Variants in ULK4 observed in about 807,000 individuals in gnomAD.
The protein encoded by ULK4 is inactive serine/threonine-protein kinase ULK4.
A neutral mutation model predicts 160.6 loss-of-function variants in ULK4; 133 were observed. The observed-to-expected ratio is 0.83, with a 90% confidence interval of 0.72 to 0.96. The LOEUF (loss-of-function observed/expected upper bound fraction) is 0.96, where lower values mean the gene tolerates loss of function less well. ULK4 is among the 40% of genes least tolerant of loss of function. ULK4 has a pLI of 0.00. For synonymous variants in ULK4, 534 were observed against 539.8 expected (o/e 0.99, Z 0.15); for missense variants, 1,580 against 1,499.5 (o/e 1.05, Z -0.89).
At chr3:41,932,117 A>G in intron 4 of ULK4, 111 bp from the exon 5 acceptor site, 1 of 893,184 alleles carries the variant, frequency 1.1e-6, no homozygotes, top group Non-Finnish European at 1.6e-6. Flanking sequence ...ATTCTTTATC[A>G]GAACTCAGAA....
chr3:41,541,300 C>T (rs953498286), intron 32 of ULK4, among the ~76,000 whole-genome samples: 1 of 152,098 alleles, frequency 6.6e-6, no homozygotes, highest in South Asian at 2.1e-4. Context: ...TTCCCCATTG[C>T]TTGTTTTTGT....
At chr3:41,729,518 C>G (rs919186897) in intron 22 of ULK4, among the ~76,000 whole-genome samples, 3 of 152,220 alleles carry the variant, frequency 2.0e-5, no homozygotes, top group Admixed American at 2.0e-4. Context: ...TATCTCCCCA[C>G]CCCAAAGGCT....
intron 31 of ULK4, among the ~76,000 whole-genome samples, chr3:41,584,625 G>T (rs926293408): frequency 2.0e-5 from 3 of 151,986 alleles, no homozygotes; most frequent in Admixed American, 2.0e-4. Flanking sequence ...AAATAACACA[G>T]CAACAACTTT....
Position 41,757,629 on chromosome 3 carries a change from CAAAAAAAAAA to C in ULK4, c.2194-3151_2194-3142del, listed in dbSNP as rs1197436719. Among the ~76,000 whole-genome samples, 3 of 63,640 alleles carry C rather than the reference CAAAAAAAAAA, an allele frequency of 4.7e-5. No homozygotes were observed. In the Admixed American group the frequency reaches 5.6e-4, roughly 12 times the overall value. 41.8% of individuals were successfully genotyped at this position (63,640 alleles called of 152,430 possible). ...CCTGCGCAACAGAGCGAGACTCTCT[CAAAAAAAAAA>C]AAAAAAAAAAAAAGTTAAGAGTCTC... On this transcript the variant is annotated intron_variant, in intron 21 of 36. Coordinates refer to ENST00000301831, the MANE Select transcript of ULK4 (RefSeq NM_017886.4).
At chr3:41,853,740 A>G (rs908902801) in intron 17 of ULK4, among the ~76,000 whole-genome samples, 4 of 152,174 alleles carry the variant, frequency 2.6e-5, no homozygotes, top group Admixed American at 6.5e-5. Flanking sequence ...CTTTCTCCTG[A>G]TAAGAGATCA....
intron 17 of ULK4, among the ~76,000 whole-genome samples, chr3:41,874,887 TTAGCAGTCAGGTGCAG>T (rs1178477396): frequency 5.9e-5 from 9 of 152,328 alleles, no homozygotes; most frequent in Admixed American, 5.9e-4. Context: ...TATTAATTAA[TTAGCAGTCAGGTGCAG>T]TAGCTCATGC....
intron 35 of ULK4, among the ~76,000 whole-genome samples, chr3:41,323,276 G>A (rs1368615615): frequency 1.3e-5 from 2 of 151,770 alleles, no homozygotes; most frequent in Non-Finnish European, 1.5e-5. Context: ...ACACACACAC[G>A]TCAAAGGCAT....
intron 32 of ULK4, among the ~76,000 whole-genome samples, chr3:41,555,908 T>C (rs941213383): frequency 9.9e-5 from 15 of 152,158 alleles, no homozygotes; most frequent in African/African-American, 3.6e-4. Context: ...CTATTATCCT[T>C]AGCAAACTAA....
intron 32 of ULK4, among the ~76,000 whole-genome samples, chr3:41,550,055 G>T (rs1160501288): frequency 5.9e-5 from 9 of 151,998 alleles, no homozygotes; most frequent in Admixed American, 5.9e-4. Flanking sequence ...CACAAAAAAT[G>T]CTTAAAGGAA....
intron 17 of ULK4, among the ~76,000 whole-genome samples, chr3:41,856,559 A>G (rs2042353436): frequency 2.3e-5 from 1 of 43,602 alleles, no homozygotes; most frequent in African/African-American, 1.4e-4. Flanking sequence ...GTGTATATAT[A>G]TACACATATA....
intron 35 of ULK4, among the ~76,000 whole-genome samples, chr3:41,316,686 T>C (rs2080148491): frequency 6.6e-6 from 1 of 152,168 alleles, no homozygotes; most frequent in African/African-American, 2.4e-5. Flanking sequence ...CTGGGTGCAA[T>C]ATACTCACCA....
At chr3:41,289,826 T>C (rs543505470) in intron 35 of ULK4, among the ~76,000 whole-genome samples, 3 of 151,024 alleles carry the variant, frequency 2.0e-5, no homozygotes, top group Admixed American at 1.3e-4. Flanking sequence ...TATGTATGTA[T>C]GTATGTATGT....
intron 35 of ULK4, among the ~76,000 whole-genome samples, chr3:41,340,279 A>G (rs1338648167): frequency 1.3e-5 from 2 of 152,202 alleles, no homozygotes; most frequent in African/African-American, 4.8e-5. Context: ...GTGTTCAGAT[A>G]TTGTTAGAAG....
At chr3:41,715,655 C>A in intron 23 of ULK4, 87 bp from the exon 24 acceptor site, 1 of 1,522,760 alleles carries the variant, frequency 6.6e-7, no homozygotes, top group South Asian at 1.2e-5. Context: ...ACCCATGGGA[C>A]TTCTAAGGTA....
chr3:41,269,497 G>C (rs1333339236), intron 35 of ULK4, among the ~76,000 whole-genome samples: 2 of 152,090 alleles, frequency 1.3e-5, no homozygotes, highest in African/African-American at 4.8e-5. Flanking sequence ...GAGGATATTA[G>C]GAGGCTACAG....
chr3:41,275,580 G>C (rs1489153851), intron 35 of ULK4, among the ~76,000 whole-genome samples: 3 of 151,744 alleles, frequency 2.0e-5, no homozygotes, highest in Non-Finnish European at 4.4e-5. Context: ...AGAAAGATTA[G>C]AATCTGGCTT....
At chr3:41,386,234 T>C (rs1245085851) in intron 35 of ULK4, among the ~76,000 whole-genome samples, 1 of 152,198 alleles carries the variant, frequency 6.6e-6, no homozygotes, top group African/African-American at 2.4e-5. Context: ...ATTCCTTTTT[T>C]TACAACTAGA....
At chr3:41,461,551 G>C (rs1178230513) in intron 33 of ULK4, among the ~76,000 whole-genome samples, 1 of 152,178 alleles carries the variant, frequency 6.6e-6, no homozygotes, top group Non-Finnish European at 1.5e-5. Context: ...GATTTAGAAA[G>C]ATGGTAGCAG....
intron 35 of ULK4, among the ~76,000 whole-genome samples, chr3:41,325,732 A>G (rs913195946): frequency 6.6e-6 from 1 of 152,100 alleles, no homozygotes; most frequent in African/African-American, 2.4e-5. Flanking sequence ...TCTGGCCAAC[A>G]TGGTGAAACC....
Sources: gnomAD v4.1 joint callset for allele counts (sites outside exome capture counted in the v4.1 genomes callset) on GRCh38, gnomAD v4.1.1 for gene constraint, MANE v1.5 for transcripts, NCBI Gene and HGNC (gene_info 2026-07-23, HGNC 2026-07-21) for gene names.